FAAH2: variants seen among roughly 807,000 people sequenced by gnomAD.
FAAH2 encodes the protein fatty-acid amide hydrolase 2.
A neutral mutation model predicts 36.9 loss-of-function variants in FAAH2; 60 were observed. That is an observed-to-expected ratio of 1.63 (90% CI 1.32 to 2.02). The LOEUF is 2.02. Ranked by LOEUF, FAAH2 falls within the 30% of genes most tolerant of loss-of-function variation. The pLI is 0.00. For missense variants in FAAH2, 689 were observed against 397.5 expected (o/e 1.73, Z -6.23); for synonymous variants, 214 against 143.8 (o/e 1.49, Z -3.49).
At chrX:57,401,954 G>A (rs1356310407) in intron 7 of FAAH2, among the ~76,000 whole-genome samples, 1 of 111,470 alleles carries the variant, frequency 9.0e-6, no homozygotes, top group Admixed American at 9.5e-5. Flanking sequence ...TTAGTGGCTG[G>A]GAGAAGTATC....
At chrX:57,167,159 C>A in the FAAH2 span, among the ~76,000 whole-genome samples, 2 of 111,496 alleles carry the variant, frequency 1.8e-5, no homozygotes, top group Admixed American at 1.9e-4. Flanking sequence ...GCAAACGTCT[C>A]TAGTTTTAAC....
At chrX:57,325,151 G>C (rs887015520) in intron 3 of FAAH2, among the ~76,000 whole-genome samples, 1 of 112,145 alleles carries the variant, frequency 8.9e-6, no homozygotes, top group African/African-American at 3.2e-5. Flanking sequence ...TTATTGATTT[G>C]TGTATGTTGA....
chrX:57,141,873 G>A, the FAAH2 span, among the ~76,000 whole-genome samples: 96 of 110,477 alleles, frequency 8.7e-4, no homozygotes, highest in Middle Eastern at 9.3e-3. Flanking sequence ...ATGGTGGTTT[G>A]CTGCACCTGT....
intron 8 of FAAH2, among the ~76,000 whole-genome samples, chrX:57,444,310 G>A (rs768077470): frequency 1.8e-5 from 2 of 112,008 alleles, no homozygotes; most frequent in South Asian, 3.8e-4. Flanking sequence ...CAGCAATGGC[G>A]GATGCCCCTC....
chrX:57,486,299 T>G lies in FAAH2; in HGVS notation c.1424-2458T>G, dbSNP rs1042202216. The stretch of plus-strand genomic sequence containing the variant: ...ACTTGCCTTCTGGCCTGAGGAAGCC[T>G]TAAAGAGAATATTAAGTGTTAGTGG... On this transcript the variant is annotated intron_variant, in intron 10 of 10. Coordinates refer to ENST00000374900, the MANE Select transcript of FAAH2 (RefSeq NM_174912.4). Among the ~76,000 whole-genome samples, 13 of 111,485 alleles carry G rather than the reference T, an allele frequency of 1.2e-4. No homozygotes were observed. In the Admixed American group the frequency reaches 1.2e-3, roughly 11 times the overall value.
chrX:57,438,612 T>C (rs1569345196), intron 8 of FAAH2, among the ~76,000 whole-genome samples: 1 of 110,590 alleles, frequency 9.0e-6, no homozygotes, highest in African/African-American at 3.3e-5. Context: ...ATTTCTATTA[T>C]TGTTATACTT....
intron 2 of FAAH2, among the ~76,000 whole-genome samples, chrX:57,301,424 G>A (rs200729162): frequency 4.4e-5 from 4 of 90,787 alleles, no homozygotes; most frequent in African/African-American, 8.2e-5. Flanking sequence ...AGAACACATG[G>A]ACACAGGAAG....
At chrX:57,254,603 A>C in the FAAH2 span, among the ~76,000 whole-genome samples, 1 of 112,003 alleles carries the variant, frequency 8.9e-6, no homozygotes, top group African/African-American at 3.3e-5. Flanking sequence ...TCAAATTAGA[A>C]CTCATGATTA....
the FAAH2 span, among the ~76,000 whole-genome samples, chrX:57,237,836 A>C: frequency 9.0e-6 from 1 of 111,721 alleles, no homozygotes. Flanking sequence ...AAAAGTGGGC[A>C]AATGACATGA....
At chrX:57,191,543 A>G in the FAAH2 span, among the ~76,000 whole-genome samples, 1 of 111,399 alleles carries the variant, frequency 9.0e-6, no homozygotes, top group East Asian at 2.8e-4. Flanking sequence ...CTTGTAGGGT[A>G]TTACACAAAT....
At chrX:57,166,442 C>T in the FAAH2 span, among the ~76,000 whole-genome samples, 3 of 111,831 alleles carry the variant, frequency 2.7e-5, no homozygotes, top group Non-Finnish European at 5.6e-5. Context: ...ATGGGATTGG[C>T]GATCCCCATG....
the FAAH2 span, among the ~76,000 whole-genome samples, chrX:57,280,135 T>C: frequency 8.9e-6 from 1 of 112,059 alleles, no homozygotes; most frequent in Non-Finnish European, 1.9e-5. Context: ...ATATTCATGA[T>C]TGGAAGACCC....
intron 3 of FAAH2, among the ~76,000 whole-genome samples, chrX:57,313,733 C>A (rs1292711665): frequency 1.8e-5 from 2 of 110,899 alleles, no homozygotes; most frequent in African/African-American, 3.3e-5. Context: ...ACTAGACCAA[C>A]CTTACATGAG....
intron 10 of FAAH2, among the ~76,000 whole-genome samples, chrX:57,473,896 T>A (rs1427159445): frequency 9.0e-6 from 1 of 111,649 alleles, no homozygotes; most frequent in Non-Finnish European, 1.9e-5. Context: ...TTGAGTCTCA[T>A]TGTGCCTTTG....
intron 2 of FAAH2, among the ~76,000 whole-genome samples, chrX:57,296,763 C>T (rs1602187474): frequency 2.7e-5 from 3 of 111,625 alleles, no homozygotes; most frequent in Admixed American, 1.9e-4. Flanking sequence ...CCTTAAAGGA[C>T]CTGATGGAGC....
At chrX:57,470,617 C>T (rs2057146670) in intron 10 of FAAH2, among the ~76,000 whole-genome samples, 1 of 108,809 alleles carries the variant, frequency 9.2e-6, no homozygotes, top group African/African-American at 3.3e-5. Flanking sequence ...AGCCTACCAA[C>T]CAAAAGAAGT....
chrX:57,405,023 C>T (rs1251957344), intron 7 of FAAH2, among the ~76,000 whole-genome samples: 2 of 111,980 alleles, frequency 1.8e-5, no homozygotes, highest in Admixed American at 9.4e-5. Context: ...TTAGAAAGCC[C>T]TTTCCCAGAC....
the FAAH2 span, among the ~76,000 whole-genome samples, chrX:57,190,018 C>G: frequency 8.9e-6 from 1 of 112,022 alleles, no homozygotes; most frequent in South Asian, 3.7e-4. Flanking sequence ...CCCCTTTCCC[C>G]AGGTGCTCTG....
intron 5 of FAAH2, among the ~76,000 whole-genome samples, chrX:57,355,156 A>G (rs1408826107): frequency 9.0e-6 from 1 of 111,197 alleles, no homozygotes; most frequent in Non-Finnish European, 1.9e-5. Flanking sequence ...ACCTTTGAAA[A>G]TGAGATAATA....
Sources: gnomAD v4.1 joint callset for allele counts (sites outside exome capture counted in the v4.1 genomes callset) on GRCh38, gnomAD v4.1.1 for gene constraint, MANE v1.5 for transcripts, NCBI Gene and HGNC (gene_info 2026-07-23, HGNC 2026-07-21) for gene names.